The following N4BP2 variants were observed in gnomAD, a reference collection of about 807,000 sequenced individuals.
The protein encoded by N4BP2 is NEDD4 binding protein 2.
Under a neutral mutation model 152.8 loss-of-function variants are expected in N4BP2, and 91 were observed. That is an observed-to-expected ratio of 0.60 (90% CI 0.50 to 0.71). The LOEUF (loss-of-function observed/expected upper bound fraction) is 0.71. Among genes scored for constraint, N4BP2 ranks in the 30% least tolerant of loss-of-function variants. N4BP2 has a pLI of 0.00. For synonymous variants in N4BP2, 646 were observed against 705.3 expected (o/e 0.92, Z 1.33); for missense variants, 1,923 against 2,059.1 (o/e 0.93, Z 1.28).
intron 3 of N4BP2, among the ~76,000 whole-genome samples, chr4:40,101,171 T>C (rs1257803094): frequency 6.6e-6 from 1 of 152,180 alleles, no homozygotes; most frequent in Admixed American, 6.5e-5. Context: ...ATTTATTTAT[T>C]GTTGAGAGGG....
At chr4:40,106,723 A>G (rs912451591) in intron 4 of N4BP2, among the ~76,000 whole-genome samples, 177 bp from the exon 5 acceptor site, 1 of 151,884 alleles carries the variant, frequency 6.6e-6, no homozygotes, top group African/African-American at 2.4e-5. Context: ...TAATTTTTGT[A>G]TGTTTAGTAG....
At chr4:40,173,847 C>A in the N4BP2 span, among the ~76,000 whole-genome samples, 1 of 152,184 alleles carries the variant, frequency 6.6e-6, no homozygotes, top group Admixed American at 6.5e-5. Flanking sequence ...CCTGTCCTCT[C>A]CTTTTACCTC....
At position 40,122,018 on chromosome 4, in the gene N4BP2, A is replaced by G. The variant is rs1339000724; in HGVS notation, c.3907A>G (p.Ile1303Val). ...STSNLELNEE[I>V]YFTDSLEIKR... ...TTCAAATCTTGAATTAAATGAAGAA[A>G]TTTATTTTACTGATTCTCTTGAAAT... is the stretch of plus-strand genomic sequence containing the variant. The change falls in exon 9 of 18, where the codon ATT becomes GTT. Residue 1303 changes from isoleucine (I) to valine (V), a missense_variant. Coordinates refer to ENST00000261435, the MANE Select transcript of N4BP2 (RefSeq NM_018177.6). 6.5e-7 allele frequency: 1 copy of G among 1,542,088 alleles called. No individual in the cohort carries two copies. The highest frequency in any genetic ancestry group is 2.3e-5 in the East Asian group (1 of 44,204).
At chr4:40,066,932 G>A (rs771654972) in intron 1 of N4BP2, among the ~76,000 whole-genome samples, 23 of 152,084 alleles carry the variant, frequency 1.5e-4, no homozygotes, top group South Asian at 2.1e-4. Flanking sequence ...TGTAGATACC[G>A]CATATAAGTA....
At chr4:40,134,677 A>T (rs13119145) in intron 13 of N4BP2, among the ~76,000 whole-genome samples, 27,248 of 152,080 alleles carry the variant, frequency 0.18, 3,075 homozygotes, top group Admixed American at 0.26. Context: ...TCCAGCCCCT[A>T]ATACTGATAT....
Position 40,117,992 on chromosome 4 carries a change from G to C in N4BP2, c.1788G>C (p.Leu596Phe), listed in dbSNP as rs1296155540. ...CAGAGAAAATTGAACGTATTGAGTT[G>C]TGTGCATATTCTTGTGAGGATAGAA... Reference protein sequence around the residue: ...SVPEKIERIELCAYSCEDRST... With the variant: ...SVPEKIERIEFCAYSCEDRST... The change falls in exon 8 of 18, where the codon TTG becomes TTC. Residue 596 changes from leucine (L) to phenylalanine (F), a missense_variant. Transcript: ENST00000261435. 4 of 1,607,902 alleles carry C rather than the reference G, an allele frequency of 2.5e-6. No individual in the cohort carries two copies. The African/African-American group carries it at 4.0e-5, about 16-fold the overall frequency.
chr4:40,081,885 G>C (rs1713403126), intron 2 of N4BP2, among the ~76,000 whole-genome samples: 1 of 152,014 alleles, frequency 6.6e-6, no homozygotes, highest in Non-Finnish European at 1.5e-5. Flanking sequence ...GGCCAAGGTG[G>C]GTGGATCACC....
chr4:40,061,916 C>T (rs143308208), intron 1 of N4BP2, among the ~76,000 whole-genome samples: 2,400 of 152,188 alleles, frequency 0.016, 77 homozygotes, highest in African/African-American at 0.055. Flanking sequence ...CTGCCTGCCT[C>T]GGCCTCCCAA....
At chr4:40,074,492 A>G (rs1312399429) in intron 2 of N4BP2, among the ~76,000 whole-genome samples, 4 of 151,938 alleles carry the variant, frequency 2.6e-5, no homozygotes, top group Admixed American at 6.6e-5. Context: ...AACAGGTGTG[A>G]GCCACCACGC....
the N4BP2 span, among the ~76,000 whole-genome samples, chr4:40,179,895 G>A: frequency 6.6e-6 from 1 of 151,384 alleles, no homozygotes; most frequent in East Asian, 1.9e-4. Flanking sequence ...CTCCCGAGTA[G>A]CTGGAATTAC....
chr4:40,104,244 G>T (rs968425011), intron 4 of N4BP2, among the ~76,000 whole-genome samples: 51 of 150,526 alleles, frequency 3.4e-4, no homozygotes, highest in African/African-American at 1.1e-3. Context: ...GAGCCACCGC[G>T]CCTGGCTTGC....
chr4:40,085,132 T>C (rs28519512), intron 2 of N4BP2, among the ~76,000 whole-genome samples: 99,224 of 151,604 alleles, frequency 0.65, 32,933 homozygotes, highest in South Asian at 0.86. Context: ...AGGCTGGTCT[T>C]GAACTTCTGA....
chr4:40,127,407 G>C (rs932358767), intron 12 of N4BP2, among the ~76,000 whole-genome samples: 1 of 151,614 alleles, frequency 6.6e-6, no homozygotes, highest in Admixed American at 6.6e-5. Flanking sequence ...TAGAGATGGG[G>C]TCTTGCCATG....
At chr4:40,118,553 T>G (rs1173424003) in intron 8 of N4BP2, among the ~76,000 whole-genome samples, 1 of 152,220 alleles carries the variant, frequency 6.6e-6, no homozygotes, top group African/African-American at 2.4e-5. Context: ...AGAGATGACA[T>G]GACAGTTCTT....
At position 40,112,164 on chromosome 4, in the gene N4BP2, G is replaced by A; in HGVS notation, c.1579G>A (p.Val527Ile). The change falls in exon 6 of 18, where the codon GTT (valine) becomes ATT (isoleucine). Residue 527 changes from valine to isoleucine, a missense_variant. Val to Ile is a conservative substitution (Grantham distance 29). Transcript: ENST00000261435. ...NLQAWEMKPYVALSQKHKYKV... is the reference protein window; with the variant it reads ...NLQAWEMKPYIALSQKHKYKV... ...ACAGGCATGGGAAATGAAACCATAT[G>A]TTGCTTTGGTTAGTACCATAAGTTG... is the stretch of plus-strand genomic sequence containing the variant. 6.5e-7 allele frequency: 1 copy of A among 1,547,274 alleles called. No individual in the cohort carries two copies. The highest frequency in any genetic ancestry group is 2.3e-5 in the East Asian group (1 of 44,156).
chr4:40,142,948 G>T, intron 15 of N4BP2, 87 bp downstream of exon 15: 1 of 1,078,612 alleles, frequency 9.3e-7, no homozygotes, highest in Non-Finnish European at 1.4e-6. Flanking sequence ...ATTGTGACTA[G>T]ATTAAGTTAT....
chr4:40,071,683 CAG>C (rs1712199564), intron 1 of N4BP2, among the ~76,000 whole-genome samples: 1 of 151,980 alleles, frequency 6.6e-6, no homozygotes, highest in African/African-American at 2.4e-5. Context: ...TCTCCTGCCT[CAG>C]CCTCCCGAGT....
rs1414066320 is a variant in N4BP2, at chr4:40,126,324, T to C, written c.4521T>C (p.His1507=). 5 of 1,469,128 alleles carry C rather than the reference T, an allele frequency of 3.4e-6. No individual in the cohort carries two copies. Among genetic ancestry groups the C allele is most frequent in the Non-Finnish European group, 4.7e-6 (5 of 1,074,960 alleles). 91.0% of individuals were successfully genotyped at this position (1,469,128 alleles called of 1,614,324 possible). ...AAGAAATTGCCTTACAGGAAAAACA[T>C]AATTTGGTATGAATTAATATAAATA... is the stretch of plus-strand genomic sequence containing the variant. ...MSEEIALQEK[H]NLKRETLMFE... The change falls in exon 12 of 18, where the codon CAT becomes CAC. Residue 1507 remains histidine, a synonymous_variant. Coordinates refer to ENST00000261435, the MANE Select transcript of N4BP2 (RefSeq NM_018177.6).
chr4:40,061,392 C>T (rs909709072), intron 1 of N4BP2, among the ~76,000 whole-genome samples: 1 of 151,028 alleles, frequency 6.6e-6, no homozygotes, highest in African/African-American at 2.4e-5. Flanking sequence ...GAGATGGAGT[C>T]TCGCTCTTGT....
Sources: allele counts gnomAD v4.1 joint callset (sites outside exome capture counted in the v4.1 genomes callset), GRCh38; gene constraint gnomAD v4.1.1; transcripts MANE v1.5; gene names NCBI Gene and HGNC (gene_info 2026-07-23, HGNC 2026-07-21).